Variants in PDXK observed in about 807,000 individuals in gnomAD.
PDXK encodes the protein pyridoxal kinase.
PDXK carries 15 observed loss-of-function variants against 43.2 expected under a neutral mutation model. That is an observed-to-expected ratio of 0.35 (90% CI 0.23 to 0.53). PDXK has a LOEUF of 0.53. Ranked by LOEUF, PDXK falls within the 20% of genes least tolerant of loss-of-function variation. The probability of loss-of-function intolerance (pLI) is 0.92; values close to 1 mark genes in which losing one functional copy is unlikely to be tolerated. For synonymous variants in PDXK, 172 were observed against 165.4 expected, an observed-to-expected ratio of 1.04 and a Z score of -0.31; for missense variants, 343 against 417.0, an observed-to-expected ratio of 0.82 and a Z score of 1.54.
chr21:43,743,409 CCT>C (rs2083577563), intron 3 of PDXK, among the ~76,000 whole-genome samples: 1 of 91,270 alleles, frequency 1.1e-5, no homozygotes. Context: ...CACCCACCTC[CCT>C]CTCCCCCGCC....
chr21:43,753,318 C>T (rs532622407), intron 8 of PDXK, among the ~76,000 whole-genome samples: 4 of 152,342 alleles, frequency 2.6e-5, no homozygotes, highest in East Asian at 1.9e-4. Flanking sequence ...TAGTTCTTCA[C>T]GCCGTCGTTA....
rs1217311447 is a variant in PDXK, at chr21:43,742,048, G to C, written c.247+277G>C. Among the ~76,000 whole-genome samples the C allele has an allele frequency of 4.7e-4, 71 of 152,272 alleles. 2 individuals carry two copies. The highest frequency in any genetic ancestry group is 4.4e-3 in the Admixed American group (68 of 15,300). On this transcript the variant is annotated intron_variant, in intron 3 of 10. Coordinates refer to ENST00000291565, the MANE Select transcript of PDXK (RefSeq NM_003681.5). ...CAGTGCCCAGGGGAGGGTGCAGGCAGGGTGTTGGGAACGCTGACCGGGGCA... is the reference window on the plus strand; with the variant it reads ...CAGTGCCCAGGGGAGGGTGCAGGCACGGTGTTGGGAACGCTGACCGGGGCA...
At chr21:43,747,707 C>T (rs1568988488) in intron 5 of PDXK, among the ~76,000 whole-genome samples, 1 of 152,212 alleles carries the variant, frequency 6.6e-6, no homozygotes, top group Non-Finnish European at 1.5e-5. Flanking sequence ...AGAGTTGGGG[C>T]CACTGTCCAG....
chr21:43,728,740 C>G, intron 1 of PDXK: 1 of 985,734 alleles, frequency 1.0e-6, no homozygotes, highest in Non-Finnish European at 1.2e-6. Context: ...GGGAGGAGGA[C>G]TGCGGGCTGC....
At chr21:43,733,268 C>G (rs1403986448) in intron 1 of PDXK, among the ~76,000 whole-genome samples, 1 of 133,984 alleles carries the variant, frequency 7.5e-6, no homozygotes, top group Non-Finnish European at 1.6e-5. Flanking sequence ...CCCCCCCGCC[C>G]CCCCCGCCCT....
intron 1 of PDXK, among the ~76,000 whole-genome samples, chr21:43,731,095 C>T (rs1051660231): frequency 6.6e-6 from 1 of 152,112 alleles, no homozygotes; most frequent in African/African-American, 2.4e-5. Flanking sequence ...CTCAGCCTCC[C>T]AAAGTGCTGC....
intron 5 of PDXK, among the ~76,000 whole-genome samples, chr21:43,747,678 AC>A (rs1358467887): frequency 6.6e-6 from 1 of 152,178 alleles, no homozygotes; most frequent in Non-Finnish European, 1.5e-5. Context: ...CTCGGCAGAC[AC>A]TTGCGTTTGG....
At chr21:43,739,378 T>C (rs1272027507) in intron 2 of PDXK, among the ~76,000 whole-genome samples, 2 of 152,128 alleles carry the variant, frequency 1.3e-5, no homozygotes, top group Non-Finnish European at 2.9e-5. Flanking sequence ...CTACCGGACG[T>C]TGGATACACC....
chr21:43,753,319 G>T (rs1031688512), intron 8 of PDXK, among the ~76,000 whole-genome samples: 2 of 152,146 alleles, frequency 1.3e-5, no homozygotes, highest in Non-Finnish European at 2.9e-5. Context: ...AGTTCTTCAC[G>T]CCGTCGTTAC....
rs1484691843 is a variant in PDXK, at chr21:43,732,921, A to AT, written c.88-1142dup. ...GCCACCACGCCCGGCTAATTTCTGT[A>AT]TTTTTTGTAGAGACAGGGTTTTTGC... On this transcript the variant is annotated intron_variant, in intron 1 of 10. Transcript: ENST00000291565. The surrounding 1 kb of genome is among the most constrained non-coding windows in gnomAD (Gnocchi z 4.1). 6.6e-6 allele frequency among the ~76,000 whole-genome samples: 1 copy of AT among 151,708 alleles called. No individual in the cohort carries two copies. Among genetic ancestry groups the AT allele is most frequent in the Admixed American group, 6.6e-5 (1 of 15,234 alleles).
Position 43,761,716 on chromosome 21 carries a change from A to G in PDXK, c.*5653A>G, listed in dbSNP as rs1388934546. 2.0e-5 allele frequency: 3 copies of G among 152,128 alleles called. No homozygotes were observed. The highest frequency in any genetic ancestry group is 4.4e-5 in the Non-Finnish European group (3 of 68,034). 9.4% of individuals were successfully genotyped at this position (152,128 alleles called of 1,614,324 possible). On this transcript the variant is annotated 3_prime_UTR_variant, in exon 11 of 11. Coordinates refer to ENST00000291565, the MANE Select transcript of PDXK (RefSeq NM_003681.5). ...GGGTGGGTGCAGGGCTGGTGGGACA[A>G]AAAGAGGCCTCAGCAGGCCTGGAAG... is the stretch of plus-strand genomic sequence containing the variant.
chr21:43,733,691 G>T, intron 1 of PDXK: 1 of 1,134,828 alleles, frequency 8.8e-7, no homozygotes, highest in South Asian at 2.0e-5. Flanking sequence ...CCTCTGTTCA[G>T]TGTGTGGACA....
Position 43,732,201 on chromosome 21 carries a change from A to T in PDXK, c.88-1868A>T. The T allele has an allele frequency of 1.4e-6, 2 of 1,436,484 alleles. No individual in the cohort carries two copies. Among genetic ancestry groups the T allele is most frequent in the Non-Finnish European group, 1.8e-6 (2 of 1,100,862 alleles). The allele number at this position is 1,436,484 out of a possible 1,614,324, so 89.0% of individuals were successfully genotyped here. A position where few individuals can be genotyped will look rare whatever the true frequency, so the allele number is the denominator to read the frequency against. ...CTGGGAGGGAGCCACTGCTGTACAGAGATGCCAATTCCAGAGGCATGGTCC... is the reference window on the plus strand; with the variant it reads ...CTGGGAGGGAGCCACTGCTGTACAGTGATGCCAATTCCAGAGGCATGGTCC... On this transcript the variant is annotated intron_variant, in intron 1 of 10. Transcript: ENST00000291565. The surrounding 1 kb of genome is among the most constrained non-coding windows in gnomAD (Gnocchi z 4.1).
In PDXK at chr21:43,741,467, G is replaced by A. The variant is rs866542688; in HGVS notation, c.143-200G>A. 3.4e-6 allele frequency: 4 copies of A among 1,184,582 alleles called. 1 individual carries two copies. The highest frequency in any genetic ancestry group is 4.3e-6 in the Non-Finnish European group (4 of 932,862). 73.4% of individuals were successfully genotyped at this position (1,184,582 alleles called of 1,614,324 possible). A position where few individuals can be genotyped will look rare whatever the true frequency, so the allele number is the denominator to read the frequency against. On this transcript the variant is annotated intron_variant, in intron 2 of 10. Coordinates refer to ENST00000291565, the MANE Select transcript of PDXK (RefSeq NM_003681.5). ...GGGGGGGCTCGCGGGGGGCTCGCGG[G>A]GGGCTCGAGGCGTCCCATGTGGGCA... is the stretch of plus-strand genomic sequence containing the variant.
At chr21:43,728,305 A>G (rs2147214028) in intron 1 of PDXK, among the ~76,000 whole-genome samples, 1 of 152,228 alleles carries the variant, frequency 6.6e-6, no homozygotes, top group Admixed American at 6.5e-5. Flanking sequence ...ATCAGGGTGA[A>G]GCAGTCACAT....
At chr21:43,755,462 T>G in intron 9 of PDXK, 1 of 567,634 alleles carries the variant, frequency 1.8e-6, no homozygotes, top group Non-Finnish European at 3.2e-6. Flanking sequence ...GTGAGCCATC[T>G]CTTGTCCAGA....
At chr21:43,753,795 T>TG (rs1259518456) in intron 9 of PDXK, 76 bp downstream of exon 9, 27 of 1,481,488 alleles carry the variant, frequency 1.8e-5, no homozygotes, top group African/African-American at 7.0e-5. Context: ...AGAGTCCTGG[T>TG]GGGGGGTCCC....
At chr21:43,725,419 C>G (rs1211700837) in intron 1 of PDXK, among the ~76,000 whole-genome samples, 1 of 152,190 alleles carries the variant, frequency 6.6e-6, no homozygotes, top group African/African-American at 2.4e-5. Context: ...CAGAACTGCA[C>G]TATAAGATCC....
chr21:43,750,979 T>TGTGTGTGTGTGCGC (rs57132172), intron 7 of PDXK, among the ~76,000 whole-genome samples: 1 of 148,176 alleles, frequency 6.7e-6, no homozygotes, highest in African/African-American at 2.5e-5. Context: ...TGTGTGTGTG[T>TGTGTGTGTGTGCGC]GCACATGTGT....
Sources: gnomAD v4.1 joint callset for allele counts (sites outside exome capture counted in the v4.1 genomes callset) on GRCh38, gnomAD v4.1.1 for gene constraint, Gnocchi (gnomAD v3.1) non-coding constraint, MANE v1.5 for transcripts, NCBI Gene and HGNC (gene_info 2026-07-23, HGNC 2026-07-21) for gene names.